The following ALS2CL variants were observed in gnomAD, a reference collection of about 807,000 sequenced individuals.
The protein encoded by ALS2CL is ALS2 C-terminal like, also known as ALS2 C-terminal-like protein.
A neutral mutation model predicts 127.9 loss-of-function variants in ALS2CL; 112 were observed. That is an observed-to-expected ratio of 0.88 (90% CI 0.75 to 1.02). The LOEUF (loss-of-function observed/expected upper bound fraction) is 1.02, where lower values mean the gene tolerates loss of function less well. ALS2CL is among the 50% of genes least tolerant of loss of function. ALS2CL has a pLI of 0.00. For synonymous variants in ALS2CL, 519 were observed against 527.6 expected (o/e 0.98, Z 0.22); for missense variants, 1,174 against 1,236.7 (o/e 0.95, Z 0.76).
chr3:46,679,682 G>A (rs141683971), intron 14 of ALS2CL: 73 of 163,434 alleles, frequency 4.5e-4, no homozygotes, highest in East Asian at 3.0e-3. Context: ...GCTCAGAGCC[G>A]AAAGGGTTAC....
intron 15 of ALS2CL, 99 bp from the exon 16 acceptor site, chr3:46,678,488 T>G (rs1014135986): frequency 3.4e-6 from 5 of 1,450,696 alleles, no homozygotes; most frequent in East Asian, 2.4e-5. Context: ...TCAGAGAGGC[T>G]AAGGACTAAT....
chr3:46,681,672 G>A lies in ALS2CL; in HGVS notation c.1176-74C>T. 1 of 1,450,838 alleles carries A rather than the reference G, an allele frequency of 6.9e-7. No homozygotes were observed. The highest frequency in any genetic ancestry group is 1.7e-5 in the Admixed American group (1 of 58,124). 89.9% of individuals were successfully genotyped at this position (1,450,838 alleles called of 1,614,324 possible). A position where few individuals can be genotyped will look rare whatever the true frequency, so the allele number is the denominator to read the frequency against. ...CATTACACCTACTCCATGCCACCCA[G>A]GAGTATCCCTGCCCCCAAGGAGCCT... On this transcript the variant is annotated intron_variant, in intron 11 of 25. Transcript: ENST00000318962. This position sits in a 1 kb window ranked among gnomAD's most constrained non-coding sequence, Gnocchi z 4.9.
intron 20 of ALS2CL, 43 bp downstream of exon 20, chr3:46,675,575 C>A (rs7635360): frequency 1.3e-4 from 207 of 1,597,342 alleles, no homozygotes; most frequent in Non-Finnish European, 2.7e-5. Context: ...CGCATGAGGC[C>A]TCCCTGGACA....
At chr3:46,682,737 A>C (rs1471293495) in intron 10 of ALS2CL, among the ~76,000 whole-genome samples, 25 of 152,136 alleles carry the variant, frequency 1.6e-4, no homozygotes, top group Admixed American at 1.6e-3. Context: ...GTACCTATGA[A>C]ATGGGTAAAA....
At chr3:46,678,594 G>A (rs569188819) in intron 15 of ALS2CL, among the ~76,000 whole-genome samples, 5 of 152,172 alleles carry the variant, frequency 3.3e-5, no homozygotes, top group African/African-American at 7.2e-5. Flanking sequence ...CTGTGCCCAC[G>A]TCTCAGGGGC....
intron 10 of ALS2CL, among the ~76,000 whole-genome samples, chr3:46,682,620 G>C (rs1048336504): frequency 6.6e-6 from 1 of 152,128 alleles, no homozygotes; most frequent in Admixed American, 6.5e-5. Context: ...GTCTATAAAG[G>C]CTTGCCTGTC....
intron 19 of ALS2CL, 31 bp downstream of exon 19, chr3:46,676,214 C>A (rs75480823): frequency 2.5e-6 from 4 of 1,606,178 alleles, no homozygotes; most frequent in Admixed American, 1.7e-5. Context: ...TGTCACAGGG[C>A]AGTAGCTGTC....
intron 16 of ALS2CL, chr3:46,677,374 T>C: frequency 9.2e-7 from 1 of 1,083,644 alleles, no homozygotes; most frequent in Non-Finnish European, 1.1e-6. Flanking sequence ...CTCCAAGACA[T>C]CCCCCTCTGC....
intron 13 of ALS2CL, chr3:46,680,988 A>T: frequency 1.7e-6 from 1 of 602,904 alleles, no homozygotes; most frequent in Non-Finnish European, 3.0e-6. Flanking sequence ...TGCAGTTTTT[A>T]GACGTGACAG....
In ALS2CL at chr3:46,686,987, C is replaced by T. The variant is rs1305424200; in HGVS notation, c.530G>A (p.Gly177Glu). ...GCTGCTGCCCCTGGTACCCACCTCC[C>T]CAATGGTGTCCCCGAGGCTCAGCAG... ...LLLLSLGDTI[G>E]EHHPTRELVV... The change falls in exon 5 of 26, where the codon GGG (glycine) becomes GAG (glutamate). Residue 177 changes from glycine to glutamate, a missense_variant. By Grantham distance (98) the Gly-to-Glu change is moderately conservative (BLOSUM62 -2). Transcript: ENST00000318962. This position sits in a 1 kb window ranked among gnomAD's most constrained non-coding sequence, Gnocchi z 4.3. 1.3e-6 allele frequency: 2 copies of T among 1,596,270 alleles called. No homozygotes were observed. The highest frequency in any genetic ancestry group is 1.3e-5 in the African/African-American group (1 of 74,730).
intron 7 of ALS2CL, among the ~76,000 whole-genome samples, chr3:46,685,214 T>C (rs955059954): frequency 6.6e-6 from 1 of 152,132 alleles, no homozygotes; most frequent in Non-Finnish European, 1.5e-5. Flanking sequence ...GTGTCTACTG[T>C]AGAACAAACT....
chr3:46,671,207 G>T, intron 25 of ALS2CL, 143 bp from the exon 26 acceptor site: 1 of 1,034,328 alleles, frequency 9.7e-7, no homozygotes, highest in Non-Finnish European at 1.4e-6. Flanking sequence ...GCCACAGTCT[G>T]CGAGGAAAAT....
intron 6 of ALS2CL, 72 bp from the exon 7 acceptor site, chr3:46,685,716 T>G (rs775420273): frequency 1.4e-5 from 22 of 1,547,094 alleles, no homozygotes; most frequent in African/African-American, 4.1e-5. Flanking sequence ...CTCTGCCACC[T>G]CCCAATGTAC....
intron 2 of ALS2CL, 108 bp downstream of exon 2, chr3:46,689,230 A>G: frequency 8.6e-7 from 1 of 1,159,002 alleles, no homozygotes; most frequent in Admixed American, 2.0e-5. Context: ...CACCACTCCT[A>G]TTTGAGGTTG....
intron 2 of ALS2CL, 101 bp from the exon 3 acceptor site, chr3:46,688,397 C>A: frequency 3.4e-6 from 4 of 1,159,932 alleles, no homozygotes; most frequent in Non-Finnish European, 3.7e-6. Flanking sequence ...CCACCAGCAC[C>A]GGCCAGCCCT....
chr3:46,672,098 A>G, intron 23 of ALS2CL, 42 bp downstream of exon 23: 1 of 1,613,824 alleles, frequency 6.2e-7, no homozygotes, highest in Non-Finnish European at 8.5e-7. Context: ...AGCACCCCAC[A>G]CTCTGCCTCC....
At chr3:46,684,491 T>G (rs1699620007) in intron 7 of ALS2CL, among the ~76,000 whole-genome samples, 1 of 152,218 alleles carries the variant, frequency 6.6e-6, no homozygotes, top group Admixed American at 6.5e-5. Context: ...GCTCATACTG[T>G]TCCTTCTACC....
rs752903793 is a variant in ALS2CL, at chr3:46,680,482, A to C, written c.1496T>G (p.Val499Gly). The change falls in exon 14 of 26, where the codon GTC becomes GGC. Residue 499 changes from valine to glycine, a missense_variant. By Grantham distance (109) the Val-to-Gly change is moderately radical. Transcript: ENST00000318962. Reference protein sequence around the residue: ...AGQRHGPGVMVTQAGVCYQGT... With the variant: ...AGQRHGPGVMGTQAGVCYQGT... ...CTGGTAGCAGACACCTGCCTGGGTG[A>C]CCATGACCCCTGGGCCGTGGCGCTG... 2 of 1,613,478 alleles carry C rather than the reference A, an allele frequency of 1.2e-6. No individual in the cohort carries two copies. Among genetic ancestry groups the C allele is most frequent in the South Asian group, 2.2e-5 (2 of 91,080 alleles).
Position 46,688,104 on chromosome 3 carries a change from T to G in ALS2CL, c.296A>C (p.His99Pro), listed in dbSNP as rs759361499. ...CCACCTCCAGTGGTCTTACTCTATG[T>G]GGGCCTGCAGTACACGGTCAGCACC... is the stretch of plus-strand genomic sequence containing the variant. Reference protein sequence around the residue: ...LRGADRVLQAHIEYIESYTSC... With the variant: ...LRGADRVLQAPIEYIESYTSC... Residue 99 changes from histidine (H) to proline (P), a missense_variant, in exon 3 of 26, where the codon CAC becomes CCC. Physicochemically the swap from His to Pro is moderately conservative, Grantham distance 77. Coordinates refer to ENST00000318962, the MANE Select transcript of ALS2CL (RefSeq NM_147129.5). 6.2e-7 allele frequency: 1 copy of G among 1,613,142 alleles called. No homozygotes were observed. The highest frequency in any genetic ancestry group is 1.1e-5 in the South Asian group (1 of 91,082).
Sources: allele counts gnomAD v4.1 joint callset (sites outside exome capture counted in the v4.1 genomes callset), GRCh38; gene constraint gnomAD v4.1.1; non-coding constraint Gnocchi (gnomAD v3.1); transcripts MANE v1.5; gene names NCBI Gene and HGNC (gene_info 2026-07-23, HGNC 2026-07-21).